Variants in SALL2 observed in about 807,000 individuals in gnomAD.
SALL2 encodes the protein sal-like protein 2.
A neutral mutation model predicts 58.5 loss-of-function variants in SALL2; 32 were observed. The observed-to-expected ratio is 0.55, with a 90% CI of 0.41 to 0.74. The LOEUF is 0.74. SALL2 is among the 30% of genes least tolerant of loss of function. SALL2 has a pLI of 0.00. For synonymous variants in SALL2, 516 were observed against 513.6 expected (o/e 1.00, Z -0.06); for missense variants, 1,201 against 1,268.9 (o/e 0.95, Z 0.81).
chr14:21,521,744 A>G lies in SALL2; in HGVS notation c.*960T>C. ...GATACGAACTTCACATTTCCCAAAT[A>G]TCTCCTGGGAGACCTCTTGGCAAGA... On this transcript the variant is annotated 3_prime_UTR_variant, in exon 2 of 2. Transcript: ENST00000537235. 1 of 420,480 alleles carries G rather than the reference A, an allele frequency of 2.4e-6. No individual in the cohort carries two copies. The highest frequency in any genetic ancestry group is 4.3e-6 in the Non-Finnish European group (1 of 231,654). 26.0% of individuals were successfully genotyped at this position (420,480 alleles called of 1,614,324 possible).
rs1330439747 is a variant in SALL2 at position 21,525,479 on chromosome 14, A to G, written c.243T>C (p.Pro81=). The change falls in exon 2 of 2, where the codon CCT becomes CCC. Residue 81 remains proline (P), a synonymous_variant. Transcript: ENST00000537235. This position sits in a 1 kb window ranked among gnomAD's most constrained non-coding sequence, Gnocchi z 4.4. Reference sequence around the variant, plus strand: ...TGACCTGAGGATTATTGTGACCCTCAGGCCGGGGTTCAGAGGAGGCCGAAG... The same window carrying G: ...TGACCTGAGGATTATTGTGACCCTCGGGCCGGGGTTCAGAGGAGGCCGAAG... ...NNSSASSEPR[P]EGHNNPQVMD... 2 of 1,613,760 alleles carry G rather than the reference A, an allele frequency of 1.2e-6. No homozygotes were observed. Among genetic ancestry groups the G allele is most frequent in the Admixed American group, 1.7e-5 (1 of 59,972 alleles).
rs745436001 is a variant in SALL2, at chr14:21,522,122, C to G, written c.*582G>C. 2.4e-5 allele frequency: 38 copies of G among 1,597,892 alleles called. 1 individual carries two copies. In the South Asian group the frequency reaches 4.1e-4, roughly 17 times the overall value. Reference sequence around the variant, plus strand: ...TGGATCCCATTGTTGGAGGCACCTTCCCAGCCACAGTTCCTAGGCCAAACA... The same window carrying G: ...TGGATCCCATTGTTGGAGGCACCTTGCCAGCCACAGTTCCTAGGCCAAACA... On this transcript the variant is annotated 3_prime_UTR_variant, in exon 2 of 2. Coordinates refer to ENST00000537235, the MANE Select transcript of SALL2 (RefSeq NM_001364564.1).
chr14:21,526,086 G>T lies in SALL2; in HGVS notation c.42C>A (p.Pro14=), dbSNP rs927110130. 7.2e-6 allele frequency: 11 copies of T among 1,536,810 alleles called. No individual in the cohort carries two copies. Among genetic ancestry groups the T allele is most frequent in the Admixed American group, 3.9e-5 (2 of 51,208 alleles). Residue 14 remains proline, a synonymous_variant, in exon 1 of 2, where the codon CCC becomes CCA. Transcript: ENST00000537235. ...ESERSSRLGV[P]CGEPAELGGD... is the part of the protein sequence containing the mutation. ...CTCCGAGCTCTGCCGGCTCCCCGCA[G>T]GGCACCCCGAGACGAGAGCTCCTCT...
chr14:21,524,619 C>G lies in SALL2; in HGVS notation c.1103G>C (p.Gly368Ala). ...ACAGAAGCGGCATTTGTGCCTTCCA[C>G]CAGGCTTCTCCAAGGGACCCATCAC... The part of the protein sequence containing the change: ...GEVMGPLEKP[G>A]GRHKCRFCAK... The change falls in exon 2 of 2, where the codon GGT becomes GCT. Residue 368 changes from glycine to alanine, a missense_variant. By Grantham distance (60) the Gly-to-Ala change is moderately conservative. Coordinates refer to ENST00000537235, the MANE Select transcript of SALL2 (RefSeq NM_001364564.1). The G allele has an allele frequency of 6.2e-7, 1 of 1,614,194 alleles. No homozygotes were observed. The highest frequency in any genetic ancestry group is 8.5e-7 in the Non-Finnish European group (1 of 1,180,028).
At chr14:21,530,267 C>CTTTT (rs1015353828), upstream of SALL2, among the ~76,000 whole-genome samples, 2 of 121,030 alleles carry the variant, frequency 1.7e-5, no homozygotes, top group Admixed American at 8.3e-5. Context: ...AGCCATATTT[C>CTTTT]TTTTTTTTTC....
At chr14:21,532,645 A>G (rs567882515) in intron 1 of SALL2, among the ~76,000 whole-genome samples, 6 of 152,066 alleles carry the variant, frequency 3.9e-5, no homozygotes, top group African/African-American at 1.4e-4. Flanking sequence ...GTCTCAAAAA[A>G]AGAAAAAAAT....
chr14:21,524,569 C>G lies in SALL2; in HGVS notation c.1153G>C (p.Ala385Pro). Residue 385 changes from alanine (A) to proline (P), a missense_variant, in exon 2 of 2, where the codon GCC (alanine) becomes CCC (proline). Physicochemically the swap from Ala to Pro is conservative, Grantham distance 27. Around this residue, in one of 3 missense-constraint regions of SALL2, gnomAD observed 59 missense variants for 116.2 expected, o/e 0.51. Transcript: ENST00000537235. ...TGGGAACGAAGGTGGATCTGCAGGG[C>G]ACTGTCACTGCCAAATACTTTGGCA... ...FCAKVFGSDSALQIHLRSHTG... is the reference protein window; with the variant it reads ...FCAKVFGSDSPLQIHLRSHTG... The G allele has an allele frequency of 6.2e-7, 1 of 1,614,258 alleles. No individual in the cohort carries two copies. The highest frequency in any genetic ancestry group is 8.5e-7 in the Non-Finnish European group (1 of 1,180,052).
Position 21,521,687 on chromosome 14 carries a change from A to G in SALL2, c.*1017T>C, listed in dbSNP as rs1250544964. 2 of 277,338 alleles carry G rather than the reference A, an allele frequency of 7.2e-6. No homozygotes were observed. The highest frequency in any genetic ancestry group is 1.4e-5 in the Non-Finnish European group (2 of 144,490). The allele number at this position is 277,338 out of a possible 1,614,324, so 17.2% of individuals were successfully genotyped here. On this transcript the variant is annotated 3_prime_UTR_variant, in exon 2 of 2. Coordinates refer to ENST00000537235, the MANE Select transcript of SALL2 (RefSeq NM_001364564.1). ...TCCTTAACTCTCTCATCATTAGTTC[A>G]TCAACCATGCTGACCAAAAATGCTC...
In SALL2 at chr14:21,522,638, G is replaced by T. The variant is rs1018987788; in HGVS notation, c.*66C>A. 8.7e-6 allele frequency: 13 copies of T among 1,495,710 alleles called. No individual in the cohort carries two copies. The highest frequency in any genetic ancestry group is 3.6e-4 in the Middle Eastern group (2 of 5,546). The allele number at this position is 1,495,710 out of a possible 1,614,324, so 92.7% of individuals were successfully genotyped here. A position where few individuals can be genotyped will look rare whatever the true frequency, so the allele number is the denominator to read the frequency against. The stretch of plus-strand genomic sequence containing the variant: ...GACAAAATCAGGGCTCATAACTCTG[G>T]GAGGTCCTTTTGTGAAGCTGTTTCT... On this transcript the variant is annotated 3_prime_UTR_variant, in exon 2 of 2. Coordinates refer to ENST00000537235, the MANE Select transcript of SALL2 (RefSeq NM_001364564.1).
chr14:21,522,013 T>A lies in SALL2; in HGVS notation c.*691A>T. The A allele has an allele frequency of 6.3e-7, 1 of 1,586,092 alleles. No homozygotes were observed. The highest frequency in any genetic ancestry group is 8.5e-7 in the Non-Finnish European group (1 of 1,173,428). On this transcript the variant is annotated 3_prime_UTR_variant, in exon 2 of 2. Coordinates refer to ENST00000537235, the MANE Select transcript of SALL2 (RefSeq NM_001364564.1). ...AAGAAGGAATGTACAGTTTGCTACT[T>A]CTTGTCTATGATGGGCTTCTCAGGC...
rs563327913 is a variant in SALL2, at chr14:21,522,649, T to C, written c.*55A>G. The C allele has an allele frequency of 1.8e-5, 27 of 1,497,098 alleles. No homozygotes were observed. The Admixed American group carries it at 3.6e-4, about 20-fold the overall frequency. 92.7% of individuals were successfully genotyped at this position (1,497,098 alleles called of 1,614,324 possible). On this transcript the variant is annotated 3_prime_UTR_variant, in exon 2 of 2. Transcript: ENST00000537235. ...GGCTCATAACTCTGGGAGGTCCTTTTGTGAAGCTGTTTCTGCTCTGTGGGA... is the reference window on the plus strand; with the variant it reads ...GGCTCATAACTCTGGGAGGTCCTTTCGTGAAGCTGTTTCTGCTCTGTGGGA...
chr14:21,525,703 G>A lies in SALL2; in HGVS notation c.68-49C>T, dbSNP rs201618985. On this transcript the variant is annotated intron_variant, in intron 1 of 1. Transcript: ENST00000537235. This position sits in a 1 kb window ranked among gnomAD's most constrained non-coding sequence, Gnocchi z 4.4. ...AGCGTGGGTGGCGCAGTTGGGTTGGGTATACCGAGGCTCTAATTAACAAGG... is the reference window on the plus strand; with the variant it reads ...AGCGTGGGTGGCGCAGTTGGGTTGGATATACCGAGGCTCTAATTAACAAGG... 67 of 1,522,116 alleles carry A rather than the reference G, an allele frequency of 4.4e-5. No homozygotes were observed. Among genetic ancestry groups the A allele is most frequent in the Admixed American group, 2.4e-4 (11 of 46,404 alleles). 94.3% of individuals were successfully genotyped at this position (1,522,116 alleles called of 1,614,324 possible).
chr14:21,526,082 C>T lies in SALL2; in HGVS notation c.46G>A (p.Gly16Arg). The part of the protein sequence containing the change: ...ERSSRLGVPC[G>R]EPAELGGDAS... ...GCACCTCCGAGCTCTGCCGGCTCCC[C>T]GCAGGGCACCCCGAGACGAGAGCTC... Residue 16 changes from glycine (G) to arginine (R), a missense_variant, in exon 1 of 2, where the codon GGG (glycine) becomes AGG (arginine). Gly to Arg is a moderately radical substitution (Grantham distance 125). This residue lies in a region of SALL2 where 467 missense variants were observed against 468.9 expected (regional missense o/e 1.00). Transcript: ENST00000537235. 6.5e-7 allele frequency: 1 copy of T among 1,536,806 alleles called. No homozygotes were observed. Among genetic ancestry groups the T allele is most frequent in the South Asian group, 1.2e-5 (1 of 84,114 alleles).
At position 21,524,118 on chromosome 14, in the gene SALL2, C is replaced by A. The variant is rs1370647043; in HGVS notation, c.1604G>T (p.Ser535Ile). The A allele has an allele frequency of 1.2e-6, 2 of 1,613,514 alleles. No homozygotes were observed. Among genetic ancestry groups the A allele is most frequent in the Non-Finnish European group, 1.7e-6 (2 of 1,179,658 alleles). The part of the protein sequence containing the change: ...TPPGSEGSAI[S>I]GVAESSTATR... The stretch of plus-strand genomic sequence containing the variant: ...TGCCGTGCTACTTTCTGCCACTCCA[C>A]TGATGGCTGAGCCCTCACTCCCTGG... The change falls in exon 2 of 2, where the codon AGT becomes ATT. Residue 535 changes from serine (S) to isoleucine (I), a missense_variant. Physicochemically the swap from Ser to Ile is moderately radical, Grantham distance 142. Transcript: ENST00000537235.
Position 21,525,694 on chromosome 14 carries a change from T to A in SALL2, c.68-40A>T, listed in dbSNP as rs1175423396. ...AGGAGAGAGAGCGTGGGTGGCGCAG[T>A]TGGGTTGGGTATACCGAGGCTCTAA... On this transcript the variant is annotated intron_variant, in intron 1 of 1. Coordinates refer to ENST00000537235, the MANE Select transcript of SALL2 (RefSeq NM_001364564.1). This position sits in a 1 kb window ranked among gnomAD's most constrained non-coding sequence, Gnocchi z 4.4. The A allele has an allele frequency of 6.5e-6, 10 of 1,530,330 alleles. No homozygotes were observed. The highest frequency in any genetic ancestry group is 2.1e-4 in the Middle Eastern group (1 of 4,868). The allele number at this position is 1,530,330 out of a possible 1,614,324, so 94.8% of individuals were successfully genotyped here.
At position 21,525,548 on chromosome 14, in the gene SALL2, A is replaced by C. The variant is rs1351786841; in HGVS notation, c.174T>G (p.Pro58=). The part of the protein sequence containing the change: ...LAHQNACSTD[P]PVMVIIGGQE... ...GGCCCCCAATTATCACCATTACAGG[A>C]GGGTCAGTAGAACATGCGTTCTGGT... is the stretch of plus-strand genomic sequence containing the variant. Residue 58 remains proline (P), a synonymous_variant, in exon 2 of 2, where the codon CCT becomes CCG. Transcript: ENST00000537235. This position sits in a 1 kb window ranked among gnomAD's most constrained non-coding sequence, Gnocchi z 4.4. The C allele has an allele frequency of 6.2e-7, 1 of 1,613,738 alleles. No homozygotes were observed. The highest frequency in any genetic ancestry group is 8.5e-7 in the Non-Finnish European group (1 of 1,179,900).
At position 21,525,491 on chromosome 14, in the gene SALL2, AGAG is replaced by A; in HGVS notation, c.228_230del (p.Ser77del). 3 of 1,613,978 alleles carry A rather than the reference AGAG, an allele frequency of 1.9e-6. No homozygotes were observed. The highest frequency in any genetic ancestry group is 2.5e-6 in the Non-Finnish European group (3 of 1,179,952). On this transcript the variant is annotated inframe_deletion, in exon 2 of 2. Transcript: ENST00000537235. This position sits in a 1 kb window ranked among gnomAD's most constrained non-coding sequence, Gnocchi z 4.4. ...TATTGTGACCCTCAGGCCGGGGTTC[AGAG>A]GAGGCCGAAGAGTTGTTGGGGTTCT...
rs547891842 is a variant in SALL2 at position 21,525,654 on chromosome 14, C to G, written c.68G>C (p.Gly23Ala). 6.4e-7 allele frequency: 1 copy of G among 1,564,164 alleles called. No individual in the cohort carries two copies. Among genetic ancestry groups the G allele is most frequent in the South Asian group, 1.2e-5 (1 of 82,858 alleles). Residue 23 changes from glycine (G) to alanine (A), a missense_variant and splice_region_variant, in exon 2 of 2, where the codon GGT becomes GCT. By Grantham distance (60) the Gly-to-Ala change is moderately conservative. Coordinates refer to ENST00000537235, the MANE Select transcript of SALL2 (RefSeq NM_001364564.1). This position sits in a 1 kb window ranked among gnomAD's most constrained non-coding sequence, Gnocchi z 4.4. ...VPCGEPAELGGDASEEDHPQV... is the reference protein window; with the variant it reads ...VPCGEPAELGADASEEDHPQV... ...GGGGTGATCCTCCTCGCTAGCATCA[C>G]CTGGGGAGAAGACAAGGAGAGAGAG...
Position 21,525,687 on chromosome 14 carries a change from G to C in SALL2, c.68-33C>G. The stretch of plus-strand genomic sequence containing the variant: ...GAAGACAAGGAGAGAGAGCGTGGGT[G>C]GCGCAGTTGGGTTGGGTATACCGAG... On this transcript the variant is annotated intron_variant, in intron 1 of 1. Coordinates refer to ENST00000537235, the MANE Select transcript of SALL2 (RefSeq NM_001364564.1). This position sits in a 1 kb window ranked among gnomAD's most constrained non-coding sequence, Gnocchi z 4.4. 1 of 1,536,290 alleles carries C rather than the reference G, an allele frequency of 6.5e-7. No homozygotes were observed. The highest frequency in any genetic ancestry group is 8.8e-7 in the Non-Finnish European group (1 of 1,140,958).
Sources: allele counts gnomAD v4.1 joint callset (sites outside exome capture counted in the v4.1 genomes callset), GRCh38; gene constraint gnomAD v4.1.1; regional missense constraint gnomAD v4.1.1; non-coding constraint Gnocchi (gnomAD v3.1); transcripts MANE v1.5; gene names NCBI Gene and HGNC (gene_info 2026-07-23, HGNC 2026-07-21).